ENTPD1: variants seen among roughly 807,000 people sequenced by gnomAD.
ENTPD1 encodes ATP diphosphohydrolase.
A neutral mutation model predicts 57.0 loss-of-function variants in ENTPD1; 33 were observed. That is an observed-to-expected ratio of 0.58 (90% CI 0.44 to 0.77). ENTPD1 has a LOEUF of 0.77. Ranked by LOEUF, ENTPD1 falls within the 30% of genes least tolerant of loss-of-function variation. ENTPD1 has a pLI of 0.00. For missense variants in ENTPD1, 501 were observed against 603.4 expected (o/e 0.83, Z 1.78); for synonymous variants, 202 against 218.8 (o/e 0.92, Z 0.68).
At chr10:95,846,351 C>G (rs71482381) in intron 6 of ENTPD1, 2 of 152,022 alleles carry the variant, frequency 1.3e-5, no homozygotes, top group African/African-American at 4.8e-5. Context: ...ACACTCCAGC[C>G]TGGGCCACAG....
rs2098475983 is a variant in ENTPD1 at position 95,867,689 on chromosome 10, TTGC to T, written c.*1310_*1312del. On this transcript the variant is annotated 3_prime_UTR_variant, in exon 10 of 10. Coordinates refer to ENST00000371205, the MANE Select transcript of ENTPD1 (RefSeq NM_001776.6). The stretch of plus-strand genomic sequence containing the variant: ...GACCCTGCACCCCTTTCCTTAAGGA[TTGC>T]TGCAAGAGTTACCTGTTGAGCAGGA... The T allele has an allele frequency of 1.0e-6, 1 of 985,340 alleles. No homozygotes were observed. Among genetic ancestry groups the T allele is most frequent in the African/African-American group, 1.7e-5 (1 of 57,242 alleles). The allele number at this position is 985,340 out of a possible 1,614,324, so 61.0% of individuals were successfully genotyped here.
chr10:95,757,078 GT>G (rs951805894), intron 1 of ENTPD1, among the ~76,000 whole-genome samples: 2 of 152,166 alleles, frequency 1.3e-5, no homozygotes, highest in African/African-American at 4.8e-5. Context: ...GGAGTATAGG[GT>G]TGTAAACCTC....
In ENTPD1 at chr10:95,866,183, G is replaced by C. The variant is rs145994698; in HGVS notation, c.1333G>C (p.Gly445Arg). 1,283 of 1,613,434 alleles carry C rather than the reference G, an allele frequency of 8.0e-4. No individual in the cohort carries two copies. Among genetic ancestry groups the C allele is most frequent in the Non-Finnish European group, 1.0e-3 (1,218 of 1,179,714 alleles). The change falls in exon 10 of 10, where the codon GGC (glycine) becomes CGC (arginine). Residue 445 changes from glycine (G) to arginine (R), a missense_variant. Physicochemically the swap from Gly to Arg is moderately radical, Grantham distance 125 (BLOSUM62 -2). Transcript: ENST00000371205. ...EHIHFIGKIQGSDAGWTLGYM... is the reference protein window; with the variant it reads ...EHIHFIGKIQRSDAGWTLGYM... ...CTTTCCCCACTGTTTGCAGATCCAG[G>C]GCAGCGACGCCGGCTGGACTTTGGG...
rs572898220 is a variant in ENTPD1, at chr10:95,806,821, C to CTGCAGAACAGCAAATAT, written c.17-16411_17-16395dup. On this transcript the variant is annotated intron_variant, in intron 1 of 9. Coordinates refer to ENST00000371205, the MANE Select transcript of ENTPD1 (RefSeq NM_001776.6). Reference sequence around the variant, plus strand: ...TTTGTCTGGGTATCACCAGCGGAGGCTGCAGAACAGCAAATATTGCACAAC... The same window carrying CTGCAGAACAGCAAATAT: ...TTTGTCTGGGTATCACCAGCGGAGGCTGCAGAACAGCAAATATTGCAGAACAGCAAATATTGCACAAC... 3.4e-3 allele frequency among the ~76,000 whole-genome samples: 523 copies of CTGCAGAACAGCAAATAT among 152,320 alleles called. 3 individuals carry two copies. The highest frequency in any genetic ancestry group is 0.012 in the African/African-American group (498 of 41,564).
chr10:95,734,298 G>T (rs1238389131), intron 1 of ENTPD1, among the ~76,000 whole-genome samples: 2 of 152,202 alleles, frequency 1.3e-5, no homozygotes, highest in African/African-American at 4.8e-5. Context: ...AGCTCAGAGA[G>T]CCAGAGACTT....
chr10:95,747,716 T>C (rs17553401), intron 1 of ENTPD1, among the ~76,000 whole-genome samples: 40,889 of 152,052 alleles, frequency 0.27, 6,340 homozygotes, highest in Admixed American at 0.38. Flanking sequence ...GATGTTAAGT[T>C]CCACAGGGAA....
At chr10:95,845,169 TCTGAG>T (rs2098432162) in intron 5 of ENTPD1, among the ~76,000 whole-genome samples, 183 bp from the exon 6 acceptor site, 2 of 152,242 alleles carry the variant, frequency 1.3e-5, no homozygotes, top group Non-Finnish European at 2.9e-5. Context: ...TGTCCGGCAG[TCTGAG>T]CTATGTCTTT....
intron 1 of ENTPD1, among the ~76,000 whole-genome samples, chr10:95,717,854 G>A (rs545055723): frequency 2.1e-4 from 32 of 152,318 alleles, no homozygotes; most frequent in African/African-American, 7.5e-4. Flanking sequence ...TAGCAGGCCG[G>A]TCCAGGGGTC....
rs189600934 is a variant in ENTPD1, at chr10:95,864,875, C to A, written c.1326+14C>A. 1.9e-6 allele frequency: 3 copies of A among 1,607,458 alleles called. No individual in the cohort carries two copies. Among genetic ancestry groups the A allele is most frequent in the Admixed American group, 1.7e-5 (1 of 59,754 alleles). ...TTCATTGGCAAGGTAATTTGGGGGC[C>A]TGTTGGGCTGGGGGGAGGTTGGGGT... On this transcript the variant is annotated intron_variant, in intron 9 of 9. Coordinates refer to ENST00000371205, the MANE Select transcript of ENTPD1 (RefSeq NM_001776.6).
the ENTPD1 span, among the ~76,000 whole-genome samples, chr10:95,697,325 T>C: frequency 2.0e-5 from 3 of 152,080 alleles, no homozygotes; most frequent in Non-Finnish European, 4.4e-5. Context: ...AGGCAGTCCA[T>C]GTATACTTTT....
chr10:95,773,273 C>T (rs2098121857), intron 1 of ENTPD1, among the ~76,000 whole-genome samples: 2 of 152,138 alleles, frequency 1.3e-5, no homozygotes, highest in Admixed American at 1.3e-4. Flanking sequence ...GACAAATATC[C>T]AAACCGTAGC....
intron 7 of ENTPD1, among the ~76,000 whole-genome samples, chr10:95,852,336 T>G (rs2098446816): frequency 1.3e-5 from 2 of 152,216 alleles, no homozygotes; most frequent in South Asian, 4.1e-4. Flanking sequence ...ATTAGCCCTT[T>G]GTCAGATGAT....
chr10:95,779,695 T>G (rs2098148852), intron 1 of ENTPD1, among the ~76,000 whole-genome samples: 1 of 152,132 alleles, frequency 6.6e-6, no homozygotes, highest in Non-Finnish European at 1.5e-5. Flanking sequence ...CCTCCTAGGG[T>G]CTTTTTTTCA....
chr10:95,805,374 T>C (rs373202792), intron 1 of ENTPD1, among the ~76,000 whole-genome samples: 107 of 152,320 alleles, frequency 7.0e-4, no homozygotes, highest in African/African-American at 2.4e-3. Context: ...ATTTTGAGCC[T>C]ATGTGCATTC....
chr10:95,719,279 G>A (rs960884961), intron 1 of ENTPD1, among the ~76,000 whole-genome samples: 1 of 152,114 alleles, frequency 6.6e-6, no homozygotes, highest in Non-Finnish European at 1.5e-5. Flanking sequence ...GAAAAGTCTC[G>A]CTCCGTTGGC....
chr10:95,868,148 T>A lies in ENTPD1; in HGVS notation c.*1765T>A. The A allele has an allele frequency of 1.0e-6, 1 of 985,242 alleles. No homozygotes were observed. 61.0% of individuals were successfully genotyped at this position (985,242 alleles called of 1,614,324 possible). ...GGTAGGTATTACAATTCCCACTTCA[T>A]AGAAACAGAAACTGAGGTTCAGAGA... On this transcript the variant is annotated 3_prime_UTR_variant, in exon 10 of 10. Coordinates refer to ENST00000371205, the MANE Select transcript of ENTPD1 (RefSeq NM_001776.6).
At chr10:95,781,386 A>C (rs2098157242) in intron 1 of ENTPD1, among the ~76,000 whole-genome samples, 1 of 152,172 alleles carries the variant, frequency 6.6e-6, no homozygotes. Flanking sequence ...TTGGTTTGCA[A>C]TAGGGTGACT....
intron 1 of ENTPD1, among the ~76,000 whole-genome samples, chr10:95,743,442 A>G (rs2139881718): frequency 6.6e-6 from 1 of 152,308 alleles, no homozygotes; most frequent in Non-Finnish European, 1.5e-5. Context: ...TTTGGAAAGA[A>G]GTCACTATGC....
chr10:95,815,350 T>C (rs1317306496), intron 1 of ENTPD1, among the ~76,000 whole-genome samples: 1 of 152,238 alleles, frequency 6.6e-6, no homozygotes, highest in African/African-American at 2.4e-5. Flanking sequence ...TCCCTTAAGC[T>C]TCCTGAGAAA....
Sources: gnomAD v4.1 joint callset for allele counts (sites outside exome capture counted in the v4.1 genomes callset) on GRCh38, gnomAD v4.1.1 for gene constraint, MANE v1.5 for transcripts, NCBI Gene and HGNC (gene_info 2026-07-23, HGNC 2026-07-21) for gene names.